PRAG1: variants seen among roughly 807,000 people sequenced by gnomAD.
The protein encoded by PRAG1 is inactive tyrosine-protein kinase PRAG1.
In PRAG1, 110 loss-of-function variants were observed where a neutral mutation model predicts 95.6. That is an observed-to-expected ratio of 1.15 (90% CI 0.99 to 1.35). PRAG1 has a LOEUF of 1.35. Among genes scored for constraint, PRAG1 ranks in the 40% most tolerant of loss-of-function variants. The pLI is 0.00. For missense variants in PRAG1, 2,554 were observed against 1,864.7 expected, an observed-to-expected ratio of 1.37 and a Z score of -6.81; for synonymous variants, 1,052 against 819.4, an observed-to-expected ratio of 1.28 and a Z score of -4.85.
Position 8,377,011 on chromosome 8 carries a change from T to C in PRAG1, c.1398A>G (p.Pro466=), listed in dbSNP as rs779578537. Residue 466 remains proline (P), a synonymous_variant, in exon 3 of 6, where the codon CCA becomes CCG. Coordinates refer to ENST00000615670, the MANE Select transcript of PRAG1 (RefSeq NM_001080826.3). ...ASGWGRDSPD[P]TPQVSATITV... The stretch of plus-strand genomic sequence containing the variant: ...TGATGGTGGCTGACACCTGGGGAGT[T>C]GGGTCTGGGCTGTCCCGGCCCCAGC... 8.1e-6 allele frequency: 13 copies of C among 1,613,706 alleles called. No individual in the cohort carries two copies. The African/African-American group carries it at 1.1e-4, about 13-fold the overall frequency.
At chr8:8,329,059 A>G (rs1798738487) in intron 4 of PRAG1, among the ~76,000 whole-genome samples, 1 of 152,162 alleles carries the variant, frequency 6.6e-6, no homozygotes, top group African/African-American at 2.4e-5. Context: ...GAATTTTTTA[A>G]AAGTCAGGTT....
At chr8:8,359,544 C>T (rs956986492) in intron 3 of PRAG1, among the ~76,000 whole-genome samples, 19 of 152,102 alleles carry the variant, frequency 1.2e-4, no homozygotes, top group African/African-American at 4.1e-4. Flanking sequence ...CAGTATGACC[C>T]GTCTGATTAC....
chr8:8,369,669 T>C (rs970934946), intron 3 of PRAG1, among the ~76,000 whole-genome samples: 2 of 151,784 alleles, frequency 1.3e-5, no homozygotes, highest in Non-Finnish European at 2.9e-5. Context: ...ACCTTCAAAG[T>C]GCATCTGGTC....
chr8:8,341,758 T>C (rs930903249), intron 3 of PRAG1, among the ~76,000 whole-genome samples: 8 of 152,262 alleles, frequency 5.3e-5, no homozygotes, highest in African/African-American at 1.9e-4. Context: ...TTTTTACATT[T>C]ACATTCAAAT....
rs200355456 is a variant in PRAG1, at chr8:8,318,761, C to A, written c.3614G>T (p.Arg1205Leu). 819 of 1,579,872 alleles carry A rather than the reference C, an allele frequency of 5.2e-4. 2 individuals are homozygous for A. The African/African-American group carries it at 8.3e-3, about 16-fold the overall frequency. The part of the protein sequence containing the change: ...AAGPASPEGP[R>L]EKQLPRLIIS... ...GATGAGCCGGGGCAGCTGCTTCTCC[C>A]GGGGCCCTTCCGGGGAGGCGGGGCC... The change falls in exon 6 of 6, where the codon CGG becomes CTG. Residue 1205 changes from arginine to leucine, a missense_variant. Physicochemically the swap from Arg to Leu is moderately radical, Grantham distance 102. Transcript: ENST00000615670. This position sits in a 1 kb window ranked among gnomAD's most constrained non-coding sequence, Gnocchi z 4.2.
In PRAG1 at chr8:8,364,887, TTTTTGTAG is replaced by T. The variant is rs556357384; in HGVS notation, c.2162+11352_2162+11359del. ...CTCCTTATCTTTCTCAGGTTTCTGC[TTTTTGTAG>T]GAAACACAGACAAGCATTGAGAGTG... On this transcript the variant is annotated intron_variant, in intron 3 of 5. Transcript: ENST00000615670. 2.0e-4 allele frequency among the ~76,000 whole-genome samples: 30 copies of T among 152,310 alleles called. No individual in the cohort carries two copies. The South Asian group carries it at 6.0e-3, about 30-fold the overall frequency.
chr8:8,364,018 C>A (rs75862888), intron 3 of PRAG1, among the ~76,000 whole-genome samples: 3,257 of 152,194 alleles, frequency 0.021, 111 homozygotes, highest in African/African-American at 0.073. Context: ...CCTGGACTTG[C>A]TCTAACTCCC....
chr8:8,327,338 G>C (rs973505823), intron 5 of PRAG1, among the ~76,000 whole-genome samples: 1 of 152,180 alleles, frequency 6.6e-6, no homozygotes, highest in Non-Finnish European at 1.5e-5. Flanking sequence ...GGGAGGCCGA[G>C]GTGGGTGGAT....
At chr8:8,334,090 T>C (rs948000693) in intron 4 of PRAG1, among the ~76,000 whole-genome samples, 1 of 152,228 alleles carries the variant, frequency 6.6e-6, no homozygotes, top group Non-Finnish European at 1.5e-5. Flanking sequence ...TTGCAATCTC[T>C]TGTTTGGTTC....
At chr8:8,322,488 C>T (rs1369824275) in intron 5 of PRAG1, among the ~76,000 whole-genome samples, 1 of 152,012 alleles carries the variant, frequency 6.6e-6, no homozygotes, top group Non-Finnish European at 1.5e-5. Context: ...ATTCTAAGGC[C>T]CTCCAACCAT....
chr8:8,341,372 G>C (rs1307820823), intron 3 of PRAG1, among the ~76,000 whole-genome samples: 1 of 152,076 alleles, frequency 6.6e-6, no homozygotes, highest in Admixed American at 6.5e-5. Flanking sequence ...TAACAGCCAA[G>C]ATTAAAAGAA....
At position 8,377,873 on chromosome 8, in the gene PRAG1, G is replaced by T. The variant is rs936840645; in HGVS notation, c.536C>A (p.Pro179Gln). 1 of 1,614,118 alleles carries T rather than the reference G, an allele frequency of 6.2e-7. No individual in the cohort carries two copies. Among genetic ancestry groups the T allele is most frequent in the Non-Finnish European group, 8.5e-7 (1 of 1,180,024 alleles). ...PRGERNIAFH[P>Q]VSFPEEKAVH... ...AGCCTTCTCCTCCGGGAAGCTCACC[G>T]GGTGGAAGGCAATGTTCCTCTCGCC... Residue 179 changes from proline (P) to glutamine (Q), a missense_variant, in exon 3 of 6, where the codon CCG (proline) becomes CAG (glutamine). Coordinates refer to ENST00000615670, the MANE Select transcript of PRAG1 (RefSeq NM_001080826.3).
chr8:8,329,972 C>G (rs953461946), intron 4 of PRAG1, among the ~76,000 whole-genome samples: 2 of 152,194 alleles, frequency 1.3e-5, no homozygotes, highest in Non-Finnish European at 2.9e-5. Context: ...AACACAGGAG[C>G]TGAGAACCAA....
Position 8,376,813 on chromosome 8 carries a change from A to T in PRAG1, c.1596T>A (p.Ser532Arg), listed in dbSNP as rs761984223. Residue 532 changes from serine (S) to arginine (R), a missense_variant, in exon 3 of 6, where the codon AGT (serine) becomes AGA (arginine). Coordinates refer to ENST00000615670, the MANE Select transcript of PRAG1 (RefSeq NM_001080826.3). ...GLSSRESHAH[S>R]ASESKPKERP... ...TCTCCTTGGGCTTGCTCTCGCTGGC[A>T]CTGTGAGCATGGCTTTCCCTGGAGC... The T allele has an allele frequency of 6.2e-7, 1 of 1,612,104 alleles. No individual in the cohort carries two copies. Among genetic ancestry groups the T allele is most frequent in the Non-Finnish European group, 8.5e-7 (1 of 1,179,828 alleles).
Position 8,375,078 on chromosome 8 carries a change from T to TA in PRAG1, c.2162+1168dup, listed in dbSNP as rs35967149. On this transcript the variant is annotated intron_variant, in intron 3 of 5. Coordinates refer to ENST00000615670, the MANE Select transcript of PRAG1 (RefSeq NM_001080826.3). ...TAAAACCCATGCACAGCTCAATAAC[T>TA]AAAAAAAAAAAAAATTTATTTTTCT... Among the ~76,000 whole-genome samples, 444 of 142,838 alleles carry TA rather than the reference T, an allele frequency of 3.1e-3. 2 individuals carry two copies. Among genetic ancestry groups the TA allele is most frequent in the African/African-American group, 8.9e-3 (346 of 38,780 alleles). The allele number at this position is 142,838 out of a possible 152,430, so 93.7% of individuals were successfully genotyped here. A position where few individuals can be genotyped will look rare whatever the true frequency, so the allele number is the denominator to read the frequency against.
chr8:8,357,607 A>G (rs1300325741), intron 3 of PRAG1, among the ~76,000 whole-genome samples: 1 of 152,244 alleles, frequency 6.6e-6, no homozygotes, highest in Non-Finnish European at 1.5e-5. Flanking sequence ...AAAATGGTGC[A>G]GCTGCTATGG....
At chr8:8,327,662 A>C (rs1451493121) in intron 5 of PRAG1, 48 bp downstream of exon 5, 1 of 1,569,492 alleles carries the variant, frequency 6.4e-7, no homozygotes, top group South Asian at 1.2e-5. Flanking sequence ...TGCCCAAGCC[A>C]GCACCAGCCA....
At chr8:8,331,842 T>G (rs1233968744) in intron 4 of PRAG1, among the ~76,000 whole-genome samples, 1 of 152,240 alleles carries the variant, frequency 6.6e-6, no homozygotes, top group Non-Finnish European at 1.5e-5. Flanking sequence ...TGATCAGATC[T>G]ACACCGTATC....
At chr8:8,371,624 C>A (rs1469952264) in intron 3 of PRAG1, among the ~76,000 whole-genome samples, 1 of 152,124 alleles carries the variant, frequency 6.6e-6, no homozygotes, top group Non-Finnish European at 1.5e-5. Context: ...AATCCCAACA[C>A]TTTGGGAGGC....
Sources: gnomAD v4.1 joint callset for allele counts (sites outside exome capture counted in the v4.1 genomes callset) on GRCh38, gnomAD v4.1.1 for gene constraint, Gnocchi (gnomAD v3.1) non-coding constraint, MANE v1.5 for transcripts, NCBI Gene and HGNC (gene_info 2026-07-23, HGNC 2026-07-21) for gene names.